Variants in BPIFC observed in about 807,000 individuals in gnomAD.
BPIFC encodes BPI fold containing family C, also known as BPI fold-containing family C protein.
Under a neutral mutation model 57.6 loss-of-function variants are expected in BPIFC, and 60 were observed. The ratio of observed to expected loss-of-function variants is 1.04; its 90% CI spans 0.85 to 1.29. The LOEUF is 1.29. Among genes scored for constraint, BPIFC ranks in the 50% most tolerant of loss-of-function variants. The pLI is 0.00. For synonymous variants in BPIFC, 243 were observed against 224.5 expected (o/e 1.08, Z -0.74); for missense variants, 581 against 600.5 (o/e 0.97, Z 0.34).
At chr22:32,414,933 G>A (rs895150958) in intron 16 of BPIFC, among the ~76,000 whole-genome samples, 1 of 152,208 alleles carries the variant, frequency 6.6e-6, no homozygotes, top group Admixed American at 6.5e-5. Flanking sequence ...CATTGTAGAA[G>A]CAGTGGGGGA....
At chr22:32,452,520 T>C (rs1934923266) in intron 4 of BPIFC, among the ~76,000 whole-genome samples, 1 of 151,692 alleles carries the variant, frequency 6.6e-6, no homozygotes, top group African/African-American at 2.4e-5. Context: ...GTGCCTGTAG[T>C]CCCAGCTACT....
intron 16 of BPIFC, among the ~76,000 whole-genome samples, chr22:32,415,143 A>G (rs1326990619): frequency 6.6e-6 from 1 of 152,248 alleles, no homozygotes; most frequent in East Asian, 1.9e-4. Context: ...AATCCCTTGC[A>G]CAGGCAGTTC....
intron 6 of BPIFC, 39 bp from the exon 7 acceptor site, chr22:32,445,737 A>AATT: frequency 3.5e-6 from 5 of 1,423,644 alleles, no homozygotes; most frequent in Non-Finnish European, 4.8e-6. Context: ...AAAAAAAAAG[A>AATT]GGTTACTCAG....
At chr22:32,426,298 C>T (rs56010172) in intron 13 of BPIFC, among the ~76,000 whole-genome samples, 15,567 of 152,178 alleles carry the variant, frequency 0.1, 814 homozygotes, top group African/African-American at 0.12. Flanking sequence ...ACCAAACCAG[C>T]TCATCTTGAA....
At chr22:32,457,427 A>C in intron 2 of BPIFC, 41 bp from the exon 3 acceptor site, 2 of 1,582,806 alleles carry the variant, frequency 1.3e-6, no homozygotes, top group Non-Finnish European at 8.5e-7. Context: ...ATTATTCTTG[A>C]CTTTCTCTTT....
intron 9 of BPIFC, 52 bp from the exon 10 acceptor site, chr22:32,435,932 T>C: frequency 2.6e-6 from 4 of 1,534,008 alleles, no homozygotes; most frequent in Non-Finnish European, 3.5e-6. Flanking sequence ...ACTCAAATTC[T>C]AAGAAGACTA....
At chr22:32,419,491 C>T (rs1933773882) in intron 13 of BPIFC, 87 bp from the exon 14 acceptor site, 2 of 1,287,426 alleles carry the variant, frequency 1.6e-6, no homozygotes, top group East Asian at 2.3e-5. Flanking sequence ...ATTTTCAGTT[C>T]AAAAGTCACT....
At chr22:32,447,589 T>A (rs1003659400) in intron 4 of BPIFC, among the ~76,000 whole-genome samples, 4 of 151,250 alleles carry the variant, frequency 2.6e-5, no homozygotes, top group African/African-American at 9.7e-5. Flanking sequence ...ATATGTAATT[T>A]TTCTTCTCTC....
chr22:32,426,607 C>A, intron 13 of BPIFC, among the ~76,000 whole-genome samples: 1 of 152,144 alleles, frequency 6.6e-6, no homozygotes, highest in East Asian at 1.9e-4. Context: ...TCTTAAAATT[C>A]TTGACCAGGC....
At chr22:32,433,411 A>T (rs1569450630) in intron 11 of BPIFC, among the ~76,000 whole-genome samples, 1 of 152,080 alleles carries the variant, frequency 6.6e-6, no homozygotes, top group South Asian at 2.1e-4. Flanking sequence ...TCCTTCATTT[A>T]AGAATTGAAT....
chr22:32,431,512 C>G lies in BPIFC; in HGVS notation c.1150-98G>C. ...GTTGAAACATTATAAGCCCAACATT[C>G]CCCCTTAGTGTAAAGACATTGGAAG... is the stretch of plus-strand genomic sequence containing the variant. On this transcript the variant is annotated intron_variant, in intron 12 of 16. Coordinates refer to ENST00000300399, the MANE Select transcript of BPIFC (RefSeq NM_174932.3). 3 of 809,962 alleles carry G rather than the reference C, an allele frequency of 3.7e-6. 1 individual carries two copies. Among genetic ancestry groups the G allele is most frequent in the South Asian group, 1.6e-5 (1 of 63,062 alleles). The allele number at this position is 809,962 out of a possible 1,614,324, so 50.2% of individuals were successfully genotyped here. A position where few individuals can be genotyped will look rare whatever the true frequency, so the allele number is the denominator to read the frequency against.
chr22:32,442,586 T>C (rs1190270419), intron 8 of BPIFC, 85 bp downstream of exon 8: 9 of 1,330,646 alleles, frequency 6.8e-6, no homozygotes, highest in African/African-American at 1.4e-5. Context: ...GCTCAAGCTA[T>C]ACCGCCTTGA....
intron 13 of BPIFC, among the ~76,000 whole-genome samples, chr22:32,429,518 T>TTTTTTG (rs1934174418): frequency 8.0e-6 from 1 of 124,440 alleles, no homozygotes; most frequent in African/African-American, 3.0e-5. Flanking sequence ...TGTTTTTTTT[T>TTTTTTG]TTTTTTTTTT....
intron 3 of BPIFC, among the ~76,000 whole-genome samples, chr22:32,455,604 G>A (rs935768323): frequency 1.3e-5 from 2 of 152,120 alleles, no homozygotes; most frequent in Non-Finnish European, 2.9e-5. Context: ...TAACTTGCCC[G>A]AGAGCCCACA....
At chr22:32,423,405 G>T (rs1388475771) in intron 13 of BPIFC, among the ~76,000 whole-genome samples, 2 of 152,148 alleles carry the variant, frequency 1.3e-5, no homozygotes, top group Non-Finnish European at 2.9e-5. Context: ...GAAGGGTGGA[G>T]TTGGGGGGGT....
chr22:32,447,466 ACCT>A, intron 4 of BPIFC, 126 bp from the exon 5 acceptor site: 1 of 1,128,714 alleles, frequency 8.9e-7, no homozygotes, highest in East Asian at 2.8e-5. Context: ...AGAGAAAAGA[ACCT>A]CCTGTCTGCA....
chr22:32,442,565 C>G (rs868001109), intron 8 of BPIFC, 106 bp downstream of exon 8: 2 of 1,126,568 alleles, frequency 1.8e-6, no homozygotes, highest in Middle Eastern at 2.3e-4. Flanking sequence ...GAATATGAAG[C>G]AGGATGGATA....
intron 13 of BPIFC, among the ~76,000 whole-genome samples, chr22:32,423,671 CA>C (rs35855393): frequency 9.4e-5 from 13 of 138,360 alleles, no homozygotes; most frequent in Non-Finnish European, 9.4e-5. Context: ...AATGCAATGT[CA>C]AAAAAAAAAC....
At chr22:32,442,456 C>T (rs1313012502) in intron 8 of BPIFC, among the ~76,000 whole-genome samples, 1 of 152,118 alleles carries the variant, frequency 6.6e-6, no homozygotes, top group Non-Finnish European at 1.5e-5. Flanking sequence ...CTGGAGCCAC[C>T]CCTCTTGTGG....
Sources: gnomAD v4.1 joint callset for allele counts (sites outside exome capture counted in the v4.1 genomes callset) on GRCh38, gnomAD v4.1.1 for gene constraint, MANE v1.5 for transcripts, NCBI Gene and HGNC (gene_info 2026-07-23, HGNC 2026-07-21) for gene names.